The following IL1RAPL2 variants were observed in gnomAD, a reference collection of about 807,000 sequenced individuals.
The protein encoded by IL1RAPL2 is interleukin 1 receptor accessory protein like 2.
IL1RAPL2 carries 3 observed loss-of-function variants against 44.1 expected under a neutral mutation model. That is an observed-to-expected ratio of 0.07 (90% confidence interval 0.03 to 0.18). IL1RAPL2 has a LOEUF of 0.18. Among genes scored for constraint, IL1RAPL2 ranks in the 10% least tolerant of loss-of-function variants. IL1RAPL2 has a pLI of 1.00. For synonymous variants in IL1RAPL2, 181 were observed against 178.8 expected (o/e 1.01, Z -0.10); for missense variants, 391 against 496.4 (o/e 0.79, Z 2.02).
chrX:104,630,995 C>T (rs1045224234), intron 1 of IL1RAPL2, among the ~76,000 whole-genome samples: 1 of 110,485 alleles, frequency 9.1e-6, no homozygotes, highest in African/African-American at 3.3e-5. Context: ...CCCCCTCCCA[C>T]ACCCCACAAC....
At chrX:104,651,155 A>G (rs1930145889) in intron 1 of IL1RAPL2, among the ~76,000 whole-genome samples, 1 of 112,048 alleles carries the variant, frequency 8.9e-6, no homozygotes, top group Non-Finnish European at 1.9e-5. Flanking sequence ...ATGGACTTAA[A>G]AACTTTATAT....
At chrX:104,948,577 T>G (rs1211991394) in intron 2 of IL1RAPL2, among the ~76,000 whole-genome samples, 1 of 109,701 alleles carries the variant, frequency 9.1e-6, no homozygotes, top group Non-Finnish European at 1.9e-5. Flanking sequence ...CTCTTATTAT[T>G]TTGAAATACG....
chrX:105,416,309 C>T (rs1462830816), intron 5 of IL1RAPL2, among the ~76,000 whole-genome samples: 1 of 112,015 alleles, frequency 8.9e-6, no homozygotes, highest in Non-Finnish European at 1.9e-5. Flanking sequence ...TCCACTCATA[C>T]ACACATACTT....
intron 2 of IL1RAPL2, among the ~76,000 whole-genome samples, chrX:105,090,403 C>A (rs932682507): frequency 3.6e-5 from 4 of 112,044 alleles, no homozygotes; most frequent in Admixed American, 2.9e-4. Flanking sequence ...CTGTACAGTT[C>A]AAACCCATGT....
At chrX:105,056,828 A>G (rs1329151943) in intron 2 of IL1RAPL2, among the ~76,000 whole-genome samples, 2 of 112,267 alleles carry the variant, frequency 1.8e-5, no homozygotes, top group African/African-American at 3.2e-5. Flanking sequence ...TAGCTAGACT[A>G]TATTACTATT....
intron 2 of IL1RAPL2, among the ~76,000 whole-genome samples, chrX:104,673,686 G>C (rs1282675924): frequency 9.1e-6 from 1 of 110,272 alleles, no homozygotes; most frequent in Non-Finnish European, 1.9e-5. Flanking sequence ...AATTACCTTG[G>C]GCAGTATGGC....
chrX:104,814,046 G>A (rs1921070327), intron 2 of IL1RAPL2, among the ~76,000 whole-genome samples: 1 of 110,376 alleles, frequency 9.1e-6, no homozygotes, highest in African/African-American at 3.3e-5. Flanking sequence ...CTTTTATTCA[G>A]TTATCCTAGC....
chrX:105,210,452 T>C, intron 3 of IL1RAPL2, among the ~76,000 whole-genome samples: 1 of 110,919 alleles, frequency 9.0e-6, no homozygotes, highest in Non-Finnish European at 1.9e-5. Context: ...TGCCCTCTAG[T>C]GGACATTCGG....
intron 2 of IL1RAPL2, among the ~76,000 whole-genome samples, chrX:105,092,330 G>A (rs1466242207): frequency 3.6e-5 from 4 of 111,275 alleles, no homozygotes; most frequent in African/African-American, 1.3e-4. Flanking sequence ...TCATAGTTAT[G>A]GTTTATTGCA....
At chrX:105,069,000 C>A (rs1406612850) in intron 2 of IL1RAPL2, among the ~76,000 whole-genome samples, 1 of 112,196 alleles carries the variant, frequency 8.9e-6, no homozygotes, top group African/African-American at 3.2e-5. Context: ...GTGCTTTTAG[C>A]CAAATTGCTC....
At chrX:104,790,080 G>T (rs1932817755) in intron 2 of IL1RAPL2, among the ~76,000 whole-genome samples, 1 of 111,953 alleles carries the variant, frequency 8.9e-6, no homozygotes, top group Non-Finnish European at 1.9e-5. Flanking sequence ...GAATTTTTAT[G>T]GTGCTGCATG....
At chrX:105,632,216 C>A (rs150488033) in intron 6 of IL1RAPL2, among the ~76,000 whole-genome samples, 50 of 111,672 alleles carry the variant, frequency 4.5e-4, no homozygotes, top group African/African-American at 1.6e-3. Flanking sequence ...GTCCCTGCAA[C>A]ATGCTTTTAT....
At chrX:105,435,111 G>C (rs1466877512) in intron 5 of IL1RAPL2, among the ~76,000 whole-genome samples, 1 of 111,694 alleles carries the variant, frequency 9.0e-6, no homozygotes, top group African/African-American at 3.3e-5. Flanking sequence ...TTTGGTTACT[G>C]TAGCCTTGTA....
intron 2 of IL1RAPL2, among the ~76,000 whole-genome samples, chrX:104,818,725 T>C (rs1921214265): frequency 9.0e-6 from 1 of 111,094 alleles, no homozygotes; most frequent in Admixed American, 9.6e-5. Context: ...AAAAATTGAA[T>C]GGTGGCCTGG....
chrX:105,068,282 T>C (rs1361310213), intron 2 of IL1RAPL2, among the ~76,000 whole-genome samples: 1 of 111,525 alleles, frequency 9.0e-6, no homozygotes, highest in Non-Finnish European at 1.9e-5. Flanking sequence ...TAATCCATAG[T>C]GATGTGTCAA....
chrX:105,031,581 C>T (rs1051318481), intron 2 of IL1RAPL2, among the ~76,000 whole-genome samples: 1 of 111,631 alleles, frequency 9.0e-6, no homozygotes, highest in Non-Finnish European at 1.9e-5. Flanking sequence ...ACCTTGCATC[C>T]CAGGGATGAA....
At chrX:105,504,319 A>G (rs2036416445) in intron 6 of IL1RAPL2, among the ~76,000 whole-genome samples, 1 of 111,783 alleles carries the variant, frequency 8.9e-6, no homozygotes. Flanking sequence ...TACCAAGTGC[A>G]AGAGAGGAAA....
intron 2 of IL1RAPL2, among the ~76,000 whole-genome samples, chrX:104,661,653 A>C (rs1425631756): frequency 1.8e-5 from 2 of 109,556 alleles, no homozygotes; most frequent in Non-Finnish European, 3.8e-5. Context: ...TTGCACTTTC[A>C]TTATCATAGT....
intron 2 of IL1RAPL2, among the ~76,000 whole-genome samples, chrX:105,115,655 T>A (rs2032848917): frequency 8.9e-6 from 1 of 112,733 alleles, no homozygotes; most frequent in African/African-American, 3.2e-5. Context: ...ATTCTCCAAG[T>A]CCCCACCAGA....
Sources: allele counts gnomAD v4.1 joint callset (sites outside exome capture counted in the v4.1 genomes callset), GRCh38; gene constraint gnomAD v4.1.1; transcripts MANE v1.5; gene names NCBI Gene and HGNC (gene_info 2026-07-23, HGNC 2026-07-21).